The following KCNH1 variants were observed in gnomAD, a reference collection of about 807,000 sequenced individuals.
KCNH1 encodes the protein voltage-gated delayed rectifier potassium channel KCNH1.
A neutral mutation model predicts 69.2 loss-of-function variants in KCNH1; 27 were observed. That is an observed-to-expected ratio of 0.39 (90% CI 0.29 to 0.54). The LOEUF (loss-of-function observed/expected upper bound fraction) is 0.54, where lower values mean the gene tolerates loss of function less well. Ranked by LOEUF, KCNH1 falls within the 20% of genes least tolerant of loss-of-function variation. The pLI, the probability that KCNH1 is intolerant of heterozygous loss-of-function variation, is 0.68. For missense variants in KCNH1, 798 were observed against 1,261.6 expected (o/e 0.63, Z 5.57); for synonymous variants, 456 against 487.7 (o/e 0.93, Z 0.86).
chr1:210,713,450 A>G (rs571664255), intron 10 of KCNH1, among the ~76,000 whole-genome samples: 38 of 152,278 alleles, frequency 2.5e-4, no homozygotes, highest in Admixed American at 2.2e-3. Flanking sequence ...TCTTCCATCA[A>G]TATTAAATGA....
chr1:210,860,967 A>G (rs2102480846), intron 7 of KCNH1: 1 of 988,076 alleles, frequency 1.0e-6, no homozygotes, highest in Non-Finnish European at 1.6e-6. Context: ...TTTCAGCTAA[A>G]GAGCCAATCA....
chr1:210,842,968 C>G (rs187820781), intron 7 of KCNH1, among the ~76,000 whole-genome samples: 12 of 152,278 alleles, frequency 7.9e-5, no homozygotes, highest in Admixed American at 7.2e-4. Context: ...GCCCCACCAC[C>G]CACATTTCCT....
chr1:210,985,184 T>C (rs1216825973), intron 6 of KCNH1, among the ~76,000 whole-genome samples: 4 of 152,218 alleles, frequency 2.6e-5, no homozygotes. Context: ...TTGTTCTTTA[T>C]TAGTCTTGCT....
chr1:211,004,356 T>C (rs1689240370), intron 6 of KCNH1, among the ~76,000 whole-genome samples: 2 of 152,100 alleles, frequency 1.3e-5, no homozygotes, highest in Admixed American at 6.5e-5. Context: ...AAGACAACAA[T>C]GAATATACAT....
intron 6 of KCNH1, among the ~76,000 whole-genome samples, chr1:210,949,929 T>C (rs1464153814): frequency 1.3e-5 from 2 of 152,172 alleles, no homozygotes; most frequent in Non-Finnish European, 2.9e-5. Flanking sequence ...AAAGAAAGAA[T>C]GGAAAAACGG....
chr1:211,121,215 T>G (rs1046868884), intron 1 of KCNH1, among the ~76,000 whole-genome samples: 1 of 152,148 alleles, frequency 6.6e-6, no homozygotes, highest in Non-Finnish European at 1.5e-5. Flanking sequence ...AGACCCTATA[T>G]AGCCAAGACA....
intron 5 of KCNH1, among the ~76,000 whole-genome samples, chr1:211,053,165 A>G (rs184853755): frequency 6.6e-6 from 1 of 152,332 alleles, no homozygotes; most frequent in Admixed American, 6.5e-5. Context: ...TGTTTTTTCA[A>G]CTTCAGCACT....
intron 1 of KCNH1, among the ~76,000 whole-genome samples, chr1:211,117,824 G>C (rs943603602): frequency 1.3e-5 from 2 of 152,150 alleles, no homozygotes; most frequent in African/African-American, 4.8e-5. Flanking sequence ...AATAAAATAT[G>C]ACTGTCTAAG....
At chr1:210,803,048 C>G (rs747199137) in intron 8 of KCNH1, among the ~76,000 whole-genome samples, 3 of 152,178 alleles carry the variant, frequency 2.0e-5, no homozygotes, top group Non-Finnish European at 4.4e-5. Flanking sequence ...CTCACCTCCC[C>G]CAAGTTCTCA....
At chr1:211,012,866 A>T (rs563202554) in intron 6 of KCNH1, among the ~76,000 whole-genome samples, 1 of 152,208 alleles carries the variant, frequency 6.6e-6, no homozygotes, top group Non-Finnish European at 1.5e-5. Context: ...GTTAATAGAG[A>T]GGAAACTGTG....
intron 7 of KCNH1, among the ~76,000 whole-genome samples, chr1:210,884,630 A>G (rs1033979962): frequency 1.3e-5 from 2 of 152,138 alleles, no homozygotes; most frequent in African/African-American, 4.8e-5. Context: ...GCAGCACCCA[A>G]GAAATTTGTC....
At chr1:210,824,367 T>G (rs1684995157) in intron 7 of KCNH1, among the ~76,000 whole-genome samples, 1 of 148,264 alleles carries the variant, frequency 6.7e-6, no homozygotes, top group African/African-American at 2.5e-5. Context: ...TTTGTAATAT[T>G]AGAAATTAAA....
At chr1:210,916,605 G>C (rs1469393376) in intron 7 of KCNH1, among the ~76,000 whole-genome samples, 1 of 152,138 alleles carries the variant, frequency 6.6e-6, no homozygotes, top group Non-Finnish European at 1.5e-5. Context: ...TATCTCTCCT[G>C]TCTACCAGTC....
intron 8 of KCNH1, 77 bp from the exon 9 acceptor site, chr1:210,797,837 G>A: frequency 5.9e-6 from 9 of 1,518,472 alleles, no homozygotes; most frequent in Non-Finnish European, 8.1e-6. Context: ...ACTCTAGGGG[G>A]AGGAGCAACA....
At position 210,919,511 on chromosome 1, in the gene KCNH1, C is replaced by A; in HGVS notation, c.1462+129G>T. ...CTTTAATTATCAGGGTAACTGTAAG[C>A]CTAGTCTTAAAAAAACTCTTCCTTG... On this transcript the variant is annotated intron_variant, in intron 7 of 10. Transcript: ENST00000271751. This position sits in a 1 kb window ranked among gnomAD's most constrained non-coding sequence, Gnocchi z 4.2. The A allele has an allele frequency of 1.1e-6, 1 of 895,888 alleles. No homozygotes were observed. The allele number at this position is 895,888 out of a possible 1,614,324, so 55.5% of individuals were successfully genotyped here.
At chr1:210,693,100 T>G (rs1681558819) in intron 10 of KCNH1, among the ~76,000 whole-genome samples, 1 of 152,220 alleles carries the variant, frequency 6.6e-6, no homozygotes, top group African/African-American at 2.4e-5. Flanking sequence ...AGACAATGGA[T>G]GCAAGTGCCC....
At chr1:210,899,002 A>G (rs1202901837) in intron 7 of KCNH1, among the ~76,000 whole-genome samples, 1 of 152,202 alleles carries the variant, frequency 6.6e-6, no homozygotes, top group Admixed American at 6.5e-5. Flanking sequence ...GTTTTTAATC[A>G]GTCTCATTAG....
At chr1:211,093,095 C>G (rs1691085383) in intron 3 of KCNH1, among the ~76,000 whole-genome samples, 1 of 152,184 alleles carries the variant, frequency 6.6e-6, no homozygotes, top group East Asian at 1.9e-4. Flanking sequence ...CCCCTCCCAG[C>G]TGCAGCCCTG....
chr1:211,002,248 G>A (rs1022748965), intron 6 of KCNH1, among the ~76,000 whole-genome samples: 15 of 144,794 alleles, frequency 1.0e-4, no homozygotes, highest in East Asian at 2.1e-4. Flanking sequence ...ATATGTATAC[G>A]TATATATATA....
Sources: gnomAD v4.1 joint callset for allele counts (sites outside exome capture counted in the v4.1 genomes callset) on GRCh38, gnomAD v4.1.1 for gene constraint, Gnocchi (gnomAD v3.1) non-coding constraint, MANE v1.5 for transcripts, NCBI Gene and HGNC (gene_info 2026-07-23, HGNC 2026-07-21) for gene names.